Variants in OSBPL3 observed in about 807,000 individuals in gnomAD.
OSBPL3 encodes oxysterol-binding protein-related protein 3.
A neutral mutation model predicts 120.1 loss-of-function variants in OSBPL3; 65 were observed. The ratio of observed to expected loss-of-function variants is 0.54; its 90% confidence interval spans 0.44 to 0.67. OSBPL3 has a LOEUF of 0.67. Ranked by LOEUF, OSBPL3 falls within the 30% of genes least tolerant of loss-of-function variation. OSBPL3 has a pLI of 0.00. For synonymous variants in OSBPL3, 416 were observed against 402.6 expected (o/e 1.03, Z -0.40); for missense variants, 1,004 against 1,082.1 (o/e 0.93, Z 1.01).
At chr7:24,870,935 T>A in intron 4 of OSBPL3, 90 bp from the exon 5 acceptor site, 1 of 832,088 alleles carries the variant, frequency 1.2e-6, no homozygotes. Context: ...CCCCTGATAG[T>A]AAAATCACAA....
In OSBPL3 at chr7:24,873,276, G is replaced by A. The variant is rs1264569944; in HGVS notation, c.97-1207C>T. 6.6e-6 allele frequency among the ~76,000 whole-genome samples: 1 copy of A among 152,204 alleles called. No individual in the cohort carries two copies. Among genetic ancestry groups the A allele is most frequent in the East Asian group, 1.9e-4 (1 of 5,204 alleles). ...AGATTCAAGTCCTGGGACACAAGTG[G>A]TCTAACAGGGAGGGCACAGAAACCA... On this transcript the variant is annotated intron_variant, in intron 2 of 22. Coordinates refer to ENST00000313367, the MANE Select transcript of OSBPL3 (RefSeq NM_015550.4). This position sits in a 1 kb window ranked among gnomAD's most constrained non-coding sequence, Gnocchi z 4.1.
At chr7:24,948,815 C>T (rs7803029) in intron 1 of OSBPL3, among the ~76,000 whole-genome samples, 60,780 of 151,928 alleles carry the variant, frequency 0.4, 13,145 homozygotes, top group Non-Finnish European at 0.5. Context: ...CAAGCTCTTC[C>T]GAGGTGTGGA....
In OSBPL3 at chr7:24,872,040, C is replaced by A. The variant is rs142455763; in HGVS notation, c.126G>T (p.Arg42Ser). 45 of 1,613,490 alleles carry A rather than the reference C, an allele frequency of 2.8e-5. No homozygotes were observed. Among genetic ancestry groups the A allele is most frequent in the Admixed American group, 6.7e-5 (4 of 59,996 alleles). Residue 42 changes from arginine (R) to serine (S), a missense_variant, in exon 3 of 23, where the codon AGG (arginine) becomes AGT (serine). Arg to Ser is a moderately radical substitution (Grantham distance 110). Coordinates refer to ENST00000313367, the MANE Select transcript of OSBPL3 (RefSeq NM_015550.4). The surrounding 1 kb of genome is among the most constrained non-coding windows in gnomAD (Gnocchi z 4.1). Reference protein sequence around the residue: ...QDSWEVVEGLRGEMNYTQEPP... With the variant: ...QDSWEVVEGLSGEMNYTQEPP... ...GCTCCTGGGTGTAATTCATCTCCCC[C>A]CTCAGTCCTTCCACCACTTCCCAGC... is the stretch of plus-strand genomic sequence containing the variant.
chr7:24,843,144 G>T (rs1164577217), intron 12 of OSBPL3, among the ~76,000 whole-genome samples: 1 of 152,148 alleles, frequency 6.6e-6, no homozygotes, highest in Non-Finnish European at 1.5e-5. Context: ...TAAGTCCTGA[G>T]CTGGCCATGG....
At chr7:24,868,849 G>C (rs1418400356) in intron 5 of OSBPL3, among the ~76,000 whole-genome samples, 1 of 152,174 alleles carries the variant, frequency 6.6e-6, no homozygotes, top group Non-Finnish European at 1.5e-5. Context: ...ATAAGTCAGT[G>C]CCCAAGCACT....
chr7:24,916,603 A>G lies in OSBPL3; in HGVS notation c.-149-23982T>C, dbSNP rs1809575782. Reference sequence around the variant, plus strand: ...AGATTCTGACTCATATACCTCCATCAGTCTTCTTCATTCCCTGACCCTCTT... The same window carrying G: ...AGATTCTGACTCATATACCTCCATCGGTCTTCTTCATTCCCTGACCCTCTT... On this transcript the variant is annotated intron_variant, in intron 1 of 22. Transcript: ENST00000313367. This position sits in a 1 kb window ranked among gnomAD's most constrained non-coding sequence, Gnocchi z 4.9. Among the ~76,000 whole-genome samples the G allele has an allele frequency of 6.6e-6, 1 of 151,950 alleles. No individual in the cohort carries two copies. The highest frequency in any genetic ancestry group is 6.6e-5 in the Admixed American group (1 of 15,244).
At chr7:24,812,754 G>A (rs1793993359) in intron 19 of OSBPL3, among the ~76,000 whole-genome samples, 1 of 152,112 alleles carries the variant, frequency 6.6e-6, no homozygotes, top group Non-Finnish European at 1.5e-5. Flanking sequence ...TCAAGGCTGT[G>A]GTAAAAATGG....
intron 12 of OSBPL3, among the ~76,000 whole-genome samples, chr7:24,848,306 A>G (rs932972163): frequency 6.6e-6 from 1 of 152,214 alleles, no homozygotes; most frequent in Admixed American, 6.5e-5. Context: ...CCTGCCTTAC[A>G]TTTTTTATTT....
intron 1 of OSBPL3, among the ~76,000 whole-genome samples, chr7:24,911,320 G>T (rs886931397): frequency 6.6e-6 from 1 of 152,134 alleles, no homozygotes; most frequent in South Asian, 2.1e-4. Flanking sequence ...GCGGAAGCTT[G>T]GTAGAGTTTT....
At chr7:24,929,017 CG>C (rs1222256375) in intron 1 of OSBPL3, among the ~76,000 whole-genome samples, 4 of 152,172 alleles carry the variant, frequency 2.6e-5, no homozygotes, top group African/African-American at 9.7e-5. Context: ...AGAAGCAGTA[CG>C]ACGGGCCAGA....
rs1805875988 is a variant in OSBPL3 at position 24,894,706 on chromosome 7, C to G, written c.-149-2085G>C. Among the ~76,000 whole-genome samples the G allele has an allele frequency of 6.6e-6, 1 of 152,026 alleles. No individual in the cohort carries two copies. Among genetic ancestry groups the G allele is most frequent in the Admixed American group, 6.6e-5 (1 of 15,260 alleles). Reference sequence around the variant, plus strand: ...TGAGGTTCTGTTAAACGAGAGTCTACAAGAGTCTGGGATGAGAGGGGTGTG... The same window carrying G: ...TGAGGTTCTGTTAAACGAGAGTCTAGAAGAGTCTGGGATGAGAGGGGTGTG... On this transcript the variant is annotated intron_variant, in intron 1 of 22. Coordinates refer to ENST00000313367, the MANE Select transcript of OSBPL3 (RefSeq NM_015550.4). The surrounding 1 kb of genome is among the most constrained non-coding windows in gnomAD (Gnocchi z 4.1).
chr7:24,951,725 A>C (rs935907198), intron 1 of OSBPL3, among the ~76,000 whole-genome samples: 2 of 152,232 alleles, frequency 1.3e-5, no homozygotes, highest in Non-Finnish European at 2.9e-5. Flanking sequence ...GCTGACAAAC[A>C]CACCACGGGG....
At chr7:24,931,044 CTG>C (rs111561395) in intron 1 of OSBPL3, among the ~76,000 whole-genome samples, 110 of 152,246 alleles carry the variant, frequency 7.2e-4, no homozygotes, top group African/African-American at 2.4e-3. Context: ...CCATTGCTTC[CTG>C]AACATCAAGG....
At position 24,870,772 on chromosome 7, in the gene OSBPL3, C is replaced by T. The variant is rs768928249; in HGVS notation, c.341G>A (p.Cys114Tyr). Reference protein sequence around the residue: ...SVMSVKKSSKCIDLDTEEHIY... With the variant: ...SVMSVKKSSKYIDLDTEEHIY... ...GTGCTCCTCGGTGTCAAGGTCTATG[C>T]ATTTTGATGACTTCTTTACAGACAT... The change falls in exon 5 of 23, where the codon TGC becomes TAC. Residue 114 changes from cysteine (C) to tyrosine (Y), a missense_variant. Physicochemically the swap from Cys to Tyr is radical, Grantham distance 194. This residue lies in a region of OSBPL3 where 255 missense variants were observed against 248.7 expected (regional missense o/e 1.03). Coordinates refer to ENST00000313367, the MANE Select transcript of OSBPL3 (RefSeq NM_015550.4). 1.9e-6 allele frequency: 3 copies of T among 1,613,188 alleles called. No individual in the cohort carries two copies. The highest frequency in any genetic ancestry group is 8.5e-7 in the Non-Finnish European group (1 of 1,179,200).
Position 24,965,718 on chromosome 7 carries a change from ATTTG to A in OSBPL3, c.-150+14164_-150+14167del, listed in dbSNP as rs1465965967. On this transcript the variant is annotated intron_variant, in intron 1 of 22. Coordinates refer to ENST00000313367, the MANE Select transcript of OSBPL3 (RefSeq NM_015550.4). This position sits in a 1 kb window ranked among gnomAD's most constrained non-coding sequence, Gnocchi z 4.3. The stretch of plus-strand genomic sequence containing the variant: ...AGCAATCTGTTTTATTAAATAATTA[ATTTG>A]TTTGTTTTTGTGGAGACTGAGTCTC... Among the ~76,000 whole-genome samples the A allele has an allele frequency of 6.6e-6, 1 of 152,102 alleles. No homozygotes were observed. Among genetic ancestry groups the A allele is most frequent in the African/African-American group, 2.4e-5 (1 of 41,420 alleles).
Position 24,966,014 on chromosome 7 carries a change from C to T in OSBPL3, c.-150+13872G>A, listed in dbSNP as rs1816336310. On this transcript the variant is annotated intron_variant, in intron 1 of 22. Coordinates refer to ENST00000313367, the MANE Select transcript of OSBPL3 (RefSeq NM_015550.4). The surrounding 1 kb of genome is among the most constrained non-coding windows in gnomAD (Gnocchi z 4.8). ...CCTTGTTTCCTCCAAACCCCCTTCA[C>T]ATCCATTGACACCTGGCTAAGTCTC... Among the ~76,000 whole-genome samples, 1 of 152,206 alleles carries T rather than the reference C, an allele frequency of 6.6e-6. No individual in the cohort carries two copies. Among genetic ancestry groups the T allele is most frequent in the Non-Finnish European group, 1.5e-5 (1 of 68,054 alleles).
intron 14 of OSBPL3, among the ~76,000 whole-genome samples, chr7:24,839,223 C>G (rs938850385): frequency 6.6e-6 from 1 of 152,140 alleles, no homozygotes; most frequent in African/African-American, 2.4e-5. Context: ...TGCAGACAAA[C>G]CTAGAGACTC....
chr7:24,873,558 G>A lies in OSBPL3; in HGVS notation c.97-1489C>T, dbSNP rs1802457115. On this transcript the variant is annotated intron_variant, in intron 2 of 22. Coordinates refer to ENST00000313367, the MANE Select transcript of OSBPL3 (RefSeq NM_015550.4). This position sits in a 1 kb window ranked among gnomAD's most constrained non-coding sequence, Gnocchi z 4.1. The stretch of plus-strand genomic sequence containing the variant: ...GACTTCTTCAATGGAAAAAAGCAAA[G>A]CTTCGAAAAAAGATCCAGCTTTTAA... Among the ~76,000 whole-genome samples, 1 of 151,772 alleles carries A rather than the reference G, an allele frequency of 6.6e-6. No individual in the cohort carries two copies. The highest frequency in any genetic ancestry group is 2.4e-5 in the African/African-American group (1 of 41,334).
chr7:24,957,196 A>T (rs1004274115), intron 1 of OSBPL3, among the ~76,000 whole-genome samples: 1 of 150,770 alleles, frequency 6.6e-6, no homozygotes, highest in Non-Finnish European at 1.5e-5. Context: ...ATTAATCTAC[A>T]CTTTGCAGAG....
Sources: allele counts gnomAD v4.1 joint callset (sites outside exome capture counted in the v4.1 genomes callset), GRCh38; gene constraint gnomAD v4.1.1; regional missense constraint gnomAD v4.1.1; non-coding constraint Gnocchi (gnomAD v3.1); transcripts MANE v1.5; gene names NCBI Gene and HGNC (gene_info 2026-07-23, HGNC 2026-07-21).